INPP4B: variants seen among roughly 807,000 people sequenced by gnomAD.
INPP4B encodes inositol polyphosphate 4-phosphatase type II.
In INPP4B, 55 loss-of-function variants were observed where a neutral mutation model predicts 122.5. The observed-to-expected ratio is 0.45, with a 90% CI of 0.36 to 0.56. INPP4B has a LOEUF of 0.56. INPP4B is among the 20% of genes least tolerant of loss of function. The pLI is 0.00. For missense variants in INPP4B, 1,000 were observed against 1,097.7 expected, an observed-to-expected ratio of 0.91 and a Z score of 1.26; for synonymous variants, 403 against 388.7, an observed-to-expected ratio of 1.04 and a Z score of -0.43.
At chr4:142,057,392 G>A (rs75693962) in intron 25 of INPP4B, among the ~76,000 whole-genome samples, 2,371 of 151,928 alleles carry the variant, frequency 0.016, 79 homozygotes, top group African/African-American at 0.055. Context: ...CCTCAGTATT[G>A]GTTAGTGATG....
chr4:142,344,299 T>C lies in INPP4B; in HGVS notation c.373-29537A>G, dbSNP rs1300306440. Reference sequence around the variant, plus strand: ...ACAAGGGAAGCTGTGGACATATGTATATTTTTAAAATAAAATTTTATGCTA... The same window carrying C: ...ACAAGGGAAGCTGTGGACATATGTACATTTTTAAAATAAAATTTTATGCTA... On this transcript the variant is annotated intron_variant, in intron 7 of 25. Transcript: ENST00000262992. Among the ~76,000 whole-genome samples the C allele has an allele frequency of 3.5e-5, 5 of 141,526 alleles. No individual in the cohort carries two copies. In the South Asian group the frequency reaches 7.2e-4, roughly 20 times the overall value. The allele number at this position is 141,526 out of a possible 152,430, so 92.8% of individuals were successfully genotyped here.
chr4:142,233,286 T>C (rs1855252610), intron 12 of INPP4B, among the ~76,000 whole-genome samples: 1 of 152,132 alleles, frequency 6.6e-6, no homozygotes, highest in Admixed American at 6.6e-5. Flanking sequence ...AGACACAGTT[T>C]GTATCTGCTA....
chr4:142,139,209 C>G (rs918597653), intron 18 of INPP4B, among the ~76,000 whole-genome samples: 1 of 152,146 alleles, frequency 6.6e-6, no homozygotes, highest in Non-Finnish European at 1.5e-5. Context: ...TCTTTCTTTT[C>G]CAACCAATAC....
intron 2 of INPP4B, chr4:142,654,411 G>C (rs1431158321): frequency 7.0e-6 from 1 of 142,900 alleles, no homozygotes; most frequent in Non-Finnish European, 1.5e-5. Context: ...TTAGAGAACT[G>C]AGACCATAAA....
At chr4:142,257,773 C>T (rs1478155525) in intron 11 of INPP4B, among the ~76,000 whole-genome samples, 2 of 152,146 alleles carry the variant, frequency 1.3e-5, no homozygotes, top group Non-Finnish European at 2.9e-5. Context: ...AATGGCCATA[C>T]TGCCCAAGGT....
intron 11 of INPP4B, 141 bp downstream of exon 11, chr4:142,260,351 A>G: frequency 1.5e-6 from 1 of 660,074 alleles, no homozygotes; most frequent in East Asian, 2.8e-5. Context: ...ATCTCCCCGC[A>G]TTCTGCTGGC....
chr4:142,214,687 G>A (rs1490011092), intron 12 of INPP4B, among the ~76,000 whole-genome samples: 3 of 152,046 alleles, frequency 2.0e-5, no homozygotes, highest in Non-Finnish European at 4.4e-5. Context: ...CATGTAGCTG[G>A]GACTACAGGC....
intron 2 of INPP4B, among the ~76,000 whole-genome samples, chr4:142,671,826 T>C (rs1166683352): frequency 6.6e-6 from 1 of 152,162 alleles, no homozygotes; most frequent in East Asian, 1.9e-4. Flanking sequence ...TTTGACTAGC[T>C]TTATCAAGTA....
At chr4:142,561,138 T>C (rs1730384912) in intron 2 of INPP4B, among the ~76,000 whole-genome samples, 2 of 152,338 alleles carry the variant, frequency 1.3e-5, no homozygotes, top group South Asian at 4.1e-4. Flanking sequence ...TAATTTACAC[T>C]TCTGCAAAAG....
At chr4:142,257,642 T>G (rs9684622) in intron 11 of INPP4B, among the ~76,000 whole-genome samples, 1 of 152,154 alleles carries the variant, frequency 6.6e-6, no homozygotes, top group Non-Finnish European at 1.5e-5. Context: ...GGAATCCAAC[T>G]TACAAGGGAT....
At chr4:142,270,862 C>A in intron 9 of INPP4B, 88 bp from the exon 10 acceptor site, 1 of 840,386 alleles carries the variant, frequency 1.2e-6, no homozygotes, top group East Asian at 2.4e-5. Flanking sequence ...TGAAAACCAC[C>A]AGCATTGTTA....
At chr4:142,785,327 G>A (rs1775601682) in intron 1 of INPP4B, among the ~76,000 whole-genome samples, 1 of 151,984 alleles carries the variant, frequency 6.6e-6, no homozygotes, top group South Asian at 2.1e-4. Context: ...AACACAGTCT[G>A]AAGACATAAA....
chr4:142,202,813 T>C, intron 14 of INPP4B: 1 of 982,318 alleles, frequency 1.0e-6, no homozygotes, highest in Non-Finnish European at 1.2e-6. Flanking sequence ...GGGCCGTGCT[T>C]GACAGGTGTG....
chr4:142,219,749 C>T (rs571778388), intron 12 of INPP4B, among the ~76,000 whole-genome samples: 13 of 152,242 alleles, frequency 8.5e-5, no homozygotes, highest in South Asian at 2.1e-4. Flanking sequence ...TGGACTTGGA[C>T]GGAGGATGTT....
At chr4:142,415,354 C>G (rs2056144676) in intron 5 of INPP4B, among the ~76,000 whole-genome samples, 1 of 152,106 alleles carries the variant, frequency 6.6e-6, no homozygotes, top group Non-Finnish European at 1.5e-5. Flanking sequence ...GATGGCTGGA[C>G]TCCGAGTGAA....
intron 1 of INPP4B, among the ~76,000 whole-genome samples, chr4:142,744,791 A>C (rs1768448272): frequency 6.6e-6 from 1 of 151,904 alleles, no homozygotes; most frequent in Non-Finnish European, 1.5e-5. Flanking sequence ...AAATTAAACT[A>C]TATGAAAAGT....
At chr4:142,449,528 CCT>C (rs1308851026) in intron 3 of INPP4B, among the ~76,000 whole-genome samples, 1 of 151,868 alleles carries the variant, frequency 6.6e-6, no homozygotes, top group African/African-American at 2.4e-5. Flanking sequence ...ATGGTGAAAC[CCT>C]GTTTCTACTA....
chr4:142,777,156 C>G (rs980064586), intron 1 of INPP4B, among the ~76,000 whole-genome samples: 1 of 151,960 alleles, frequency 6.6e-6, no homozygotes, highest in Admixed American at 6.6e-5. Flanking sequence ...GATAGACAGC[C>G]CCTAGGGTGA....
At chr4:142,604,747 A>G in intron 2 of INPP4B, among the ~76,000 whole-genome samples, 1 of 152,290 alleles carries the variant, frequency 6.6e-6, no homozygotes, top group Middle Eastern at 3.4e-3. Context: ...AAGACATCCC[A>G]TGCTCATGAA....
Sources: gnomAD v4.1 joint callset for allele counts (sites outside exome capture counted in the v4.1 genomes callset) on GRCh38, gnomAD v4.1.1 for gene constraint, MANE v1.5 for transcripts, NCBI Gene and HGNC (gene_info 2026-07-23, HGNC 2026-07-21) for gene names.